SHISA9: variants seen among roughly 807,000 people sequenced by gnomAD.
SHISA9 encodes shisa family member 9.
A neutral mutation model predicts 38.0 loss-of-function variants in SHISA9; 13 were observed. The observed-to-expected ratio is 0.34, with a 90% CI of 0.22 to 0.54. The LOEUF (loss-of-function observed/expected upper bound fraction) is 0.54. Ranked by LOEUF, SHISA9 falls within the 20% of genes least tolerant of loss-of-function variation. SHISA9 has a pLI of 0.91. For synonymous variants in SHISA9, 275 were observed against 242.0 expected (o/e 1.14, Z -1.27); for missense variants, 538 against 575.8 (o/e 0.93, Z 0.67).
intron 2 of SHISA9, among the ~76,000 whole-genome samples, chr16:13,069,358 G>A (rs1016920906): frequency 6.6e-5 from 10 of 151,762 alleles, no homozygotes; most frequent in African/African-American, 2.4e-4. Context: ...ATGTATATAT[G>A]TGCATGTGTA....
the SHISA9 span, among the ~76,000 whole-genome samples, chr16:13,541,231 C>T: frequency 2.0e-5 from 3 of 152,116 alleles, no homozygotes; most frequent in Non-Finnish European, 4.4e-5. Context: ...ACAGTTTCCT[C>T]TCCAGGGGCC....
At chr16:13,145,156 C>T (rs538806177) in intron 2 of SHISA9, among the ~76,000 whole-genome samples, 35 of 152,294 alleles carry the variant, frequency 2.3e-4, no homozygotes, top group Non-Finnish European at 3.1e-4. Flanking sequence ...TCTCCCGAAA[C>T]GACAGGAGCA....
chr16:12,952,346 A>C (rs575838715), intron 2 of SHISA9, among the ~76,000 whole-genome samples: 3 of 152,020 alleles, frequency 2.0e-5, no homozygotes, highest in Non-Finnish European at 4.4e-5. Flanking sequence ...CCTCCTCACA[A>C]ATGTGGAGGA....
chr16:13,336,212 T>C, the SHISA9 span, among the ~76,000 whole-genome samples: 1 of 152,154 alleles, frequency 6.6e-6, no homozygotes, highest in African/African-American at 2.4e-5. Context: ...TTTTCTCCAA[T>C]TCAAAAGTGA....
the SHISA9 span, among the ~76,000 whole-genome samples, chr16:13,419,543 A>G: frequency 6.6e-6 from 1 of 152,176 alleles, no homozygotes. Flanking sequence ...AGAACTCTGG[A>G]GTTTGAAGAC....
chr16:13,264,577 G>C, the SHISA9 span, among the ~76,000 whole-genome samples: 1 of 152,092 alleles, frequency 6.6e-6, no homozygotes, highest in South Asian at 2.1e-4. Context: ...GCGCTTCAAA[G>C]GTTAACTTCT....
chr16:13,366,982 CAAAAA>C, the SHISA9 span, among the ~76,000 whole-genome samples: 5 of 92,506 alleles, frequency 5.4e-5, no homozygotes, highest in Admixed American at 1.1e-4. Context: ...GGCTCCATCT[CAAAAA>C]AAAAAAAAAA....
intron 2 of SHISA9, among the ~76,000 whole-genome samples, chr16:13,012,881 G>C (rs35363512): frequency 0.077 from 11,767 of 152,180 alleles, 607 homozygotes; most frequent in East Asian, 0.27. Flanking sequence ...ACTTTCAAAA[G>C]GGTGTGTGAG....
intron 1 of SHISA9, 30 bp from the exon 2 acceptor site, chr16:12,916,658 T>C (rs1200672110): frequency 6.5e-7 from 1 of 1,543,290 alleles, no homozygotes; most frequent in Non-Finnish European, 8.7e-7. Flanking sequence ...GTGTTTTGAA[T>C]GAACAGATTT....
the SHISA9 span, among the ~76,000 whole-genome samples, chr16:13,459,865 A>G: frequency 6.6e-6 from 1 of 152,218 alleles, no homozygotes; most frequent in Admixed American, 6.5e-5. Flanking sequence ...ACAAGTGTGT[A>G]TGAGTCCTGA....
intron 2 of SHISA9, among the ~76,000 whole-genome samples, chr16:13,166,996 T>G (rs1197691522): frequency 6.6e-6 from 1 of 152,114 alleles, no homozygotes; most frequent in Non-Finnish European, 1.5e-5. Context: ...AAAAAATTTT[T>G]TAAGATTTTT....
intron 2 of SHISA9, among the ~76,000 whole-genome samples, chr16:12,947,955 G>A (rs2071708505): frequency 6.6e-6 from 1 of 152,148 alleles, no homozygotes. Flanking sequence ...GATCATGATG[G>A]GAATCTGTGG....
intron 2 of SHISA9, among the ~76,000 whole-genome samples, chr16:13,181,308 T>TACACAC (rs1398279225): frequency 2.6e-5 from 1 of 37,962 alleles, no homozygotes; most frequent in Non-Finnish European, 4.5e-5. Context: ...TATATATATA[T>TACACAC]ATATACACAC....
At chr16:13,532,553 G>GA in the SHISA9 span, among the ~76,000 whole-genome samples, 1 of 74,182 alleles carries the variant, frequency 1.3e-5, no homozygotes. Context: ...ATGTGCGTGT[G>GA]TGTATGTGTG....
chr16:13,391,578 C>T, the SHISA9 span, among the ~76,000 whole-genome samples: 38 of 152,098 alleles, frequency 2.5e-4, no homozygotes, highest in Admixed American at 8.5e-4. Context: ...AGTTCCAAGC[C>T]AGTGGTTCTA....
chr16:13,093,095 G>C (rs1216875733), intron 2 of SHISA9, among the ~76,000 whole-genome samples: 1 of 152,118 alleles, frequency 6.6e-6, no homozygotes, highest in Admixed American at 6.5e-5. Flanking sequence ...AAGTTTCCCG[G>C]GGGCATAGAG....
intron 4 of SHISA9, among the ~76,000 whole-genome samples, chr16:13,227,774 C>G (rs548589151): frequency 6.6e-6 from 1 of 152,164 alleles, no homozygotes; most frequent in Non-Finnish European, 1.5e-5. Flanking sequence ...CTGATCAGAT[C>G]AAGGCCCCTT....
intron 2 of SHISA9, among the ~76,000 whole-genome samples, chr16:13,004,536 T>C (rs372460400): frequency 5.2e-4 from 79 of 152,280 alleles, no homozygotes; most frequent in African/African-American, 1.9e-3. Context: ...TACAAAGAGA[T>C]CTCTTGATGC....
At chr16:13,418,302 A>G in the SHISA9 span, among the ~76,000 whole-genome samples, 1 of 152,184 alleles carries the variant, frequency 6.6e-6, no homozygotes, top group Non-Finnish European at 1.5e-5. Context: ...TAATATGCCT[A>G]TGATTCTATG....
Sources: allele counts gnomAD v4.1 joint callset (sites outside exome capture counted in the v4.1 genomes callset), GRCh38; gene constraint gnomAD v4.1.1; transcripts MANE v1.5; gene names NCBI Gene and HGNC (gene_info 2026-07-23, HGNC 2026-07-21).